The following LRP1B variants were observed in gnomAD, a reference collection of about 807,000 sequenced individuals.
LRP1B encodes the protein LDL receptor related protein 1B, also known as low-density lipoprotein receptor-related protein 1B.
LRP1B carries 217 observed loss-of-function variants against 556.6 expected under a neutral mutation model. That is an observed-to-expected ratio of 0.39 (90% confidence interval 0.35 to 0.44). The LOEUF (loss-of-function observed/expected upper bound fraction) is 0.44, where lower values mean the gene tolerates loss of function less well. LRP1B is among the 20% of genes least tolerant of loss of function. The pLI, the probability that LRP1B is intolerant of heterozygous loss-of-function variation, is 1.00. For synonymous variants in LRP1B, 2,047 were observed against 1,865.8 expected, an observed-to-expected ratio of 1.10 and a Z score of -2.50; for missense variants, 5,053 against 5,620.8, an observed-to-expected ratio of 0.90 and a Z score of 3.23.
chr2:141,659,033 A>G (rs1690115257), intron 2 of LRP1B, among the ~76,000 whole-genome samples: 1 of 152,132 alleles, frequency 6.6e-6, no homozygotes, highest in Non-Finnish European at 1.5e-5. Flanking sequence ...CATACTGAGT[A>G]GCTGGGACTA....
At chr2:142,062,959 A>G (rs188322652) in intron 1 of LRP1B, among the ~76,000 whole-genome samples, 2 of 151,308 alleles carry the variant, frequency 1.3e-5, no homozygotes, top group East Asian at 3.9e-4. Flanking sequence ...TATCTAAAAG[A>G]TGGAAGCATT....
At chr2:140,490,047 C>CA (rs1452358032) in intron 57 of LRP1B, among the ~76,000 whole-genome samples, 1 of 152,004 alleles carries the variant, frequency 6.6e-6, no homozygotes, top group Admixed American at 6.6e-5. Flanking sequence ...TTAAAACAGC[C>CA]AGGGGCATGG....
At chr2:140,893,541 T>C (rs1473191504) in intron 23 of LRP1B, among the ~76,000 whole-genome samples, 1 of 152,204 alleles carries the variant, frequency 6.6e-6, no homozygotes, top group African/African-American at 2.4e-5. Flanking sequence ...GCAAATCAAG[T>C]AACCTTTCTG....
chr2:140,342,719 A>G (rs1220053750), intron 77 of LRP1B, among the ~76,000 whole-genome samples: 1 of 151,612 alleles, frequency 6.6e-6, no homozygotes, highest in Admixed American at 6.6e-5. Flanking sequence ...TCCCTACTCA[A>G]TCACCAGAGA....
intron 11 of LRP1B, among the ~76,000 whole-genome samples, chr2:141,029,269 A>T (rs896892002): frequency 6.6e-6 from 1 of 152,112 alleles, no homozygotes; most frequent in African/African-American, 2.4e-5. Context: ...AGGTGATCAT[A>T]CCTAAAATTT....
In LRP1B at chr2:140,263,779, C is replaced by T. The variant is rs557281253; in HGVS notation, c.13247+6463G>A. ...ATAACGTTAACATCCATGTTTCTAC[C>T]AATAATCTCTTCAAAGTAATTGAGG... On this transcript the variant is annotated intron_variant, in intron 86 of 90. Transcript: ENST00000389484. Among the ~76,000 whole-genome samples, 3 of 147,162 alleles carry T rather than the reference C, an allele frequency of 2.0e-5. No homozygotes were observed. In the South Asian group the frequency reaches 6.5e-4, roughly 32 times the overall value.
intron 41 of LRP1B, among the ~76,000 whole-genome samples, chr2:140,638,747 A>G (rs565900): frequency 0.99 from 149,703 of 151,902 alleles, 73,801 homozygotes; most frequent in Middle Eastern, 1. Context: ...ATGTATTTGC[A>G]TATATAAGTA....
At chr2:140,323,237 ATAGCTG>A (rs1558800612) in intron 81 of LRP1B, among the ~76,000 whole-genome samples, 1 of 151,992 alleles carries the variant, frequency 6.6e-6, no homozygotes, top group African/African-American at 2.4e-5. Flanking sequence ...ACTGTTTTTG[ATAGCTG>A]TGTTAGAAAT....
chr2:141,337,366 A>T (rs1444880239), intron 3 of LRP1B, among the ~76,000 whole-genome samples: 2 of 152,214 alleles, frequency 1.3e-5, no homozygotes. Flanking sequence ...TGTGCAAGTC[A>T]TATCATAGCA....
At chr2:141,096,186 T>A (rs1700294819) in intron 7 of LRP1B, among the ~76,000 whole-genome samples, 1 of 152,136 alleles carries the variant, frequency 6.6e-6, no homozygotes, top group Non-Finnish European at 1.5e-5. Flanking sequence ...AGGATAAAGG[T>A]TATTAAACTT....
intron 11 of LRP1B, among the ~76,000 whole-genome samples, chr2:141,025,178 T>G (rs1429571744): frequency 1.3e-5 from 2 of 152,060 alleles, no homozygotes; most frequent in Non-Finnish European, 2.9e-5. Context: ...AATGTCTGCA[T>G]TCCAGGCTAT....
chr2:140,546,978 C>G (rs1287450603), intron 43 of LRP1B, among the ~76,000 whole-genome samples: 1 of 152,024 alleles, frequency 6.6e-6, no homozygotes, highest in African/African-American at 2.4e-5. Flanking sequence ...ATATGTTGAA[C>G]CAAGCTTGCA....
intron 2 of LRP1B, among the ~76,000 whole-genome samples, chr2:141,650,929 C>T (rs1440759766): frequency 6.6e-6 from 1 of 152,138 alleles, no homozygotes; most frequent in African/African-American, 2.4e-5. Context: ...TCCAACTACA[C>T]GGATGTCTAT....
Position 140,901,022 on chromosome 2 carries a change from C to T in LRP1B, c.3766+1898G>A, listed in dbSNP as rs144190884. On this transcript the variant is annotated intron_variant, in intron 23 of 90. Coordinates refer to ENST00000389484, the MANE Select transcript of LRP1B (RefSeq NM_018557.3). Reference sequence around the variant, plus strand: ...CATGTGGACTCCTCAGAAAGTCGTGCTTTTTTTAAAATAATTTTTAATTTT... The same window carrying T: ...CATGTGGACTCCTCAGAAAGTCGTGTTTTTTTTAAAATAATTTTTAATTTT... 2.6e-4 allele frequency among the ~76,000 whole-genome samples: 40 copies of T among 151,996 alleles called. No individual in the cohort carries two copies. In the East Asian group the frequency reaches 3.5e-3, roughly 13 times the overall value.
chr2:141,251,793 G>A (rs1684271293), intron 4 of LRP1B, among the ~76,000 whole-genome samples: 3 of 152,002 alleles, frequency 2.0e-5, no homozygotes, highest in South Asian at 4.1e-4. Flanking sequence ...GAAAATAAAG[G>A]CAGTGACTAC....
At chr2:141,876,833 G>T (rs1262695463) in intron 1 of LRP1B, among the ~76,000 whole-genome samples, 1 of 151,840 alleles carries the variant, frequency 6.6e-6, no homozygotes, top group Non-Finnish European at 1.5e-5. Context: ...AATTACAAAT[G>T]TCTATACCTG....
intron 7 of LRP1B, among the ~76,000 whole-genome samples, chr2:141,130,262 G>A (rs951020337): frequency 7.9e-5 from 12 of 151,912 alleles, no homozygotes; most frequent in African/African-American, 2.9e-4. Flanking sequence ...CACACTGACA[G>A]GGTAAATGTT....
chr2:140,496,264 A>T (rs1688931983), intron 55 of LRP1B, among the ~76,000 whole-genome samples: 1 of 152,092 alleles, frequency 6.6e-6, no homozygotes, highest in Admixed American at 6.6e-5. Context: ...AAGAATCACA[A>T]TTACTTTTGT....
In LRP1B at chr2:140,702,598, G is replaced by A. The variant is rs1360278631; in HGVS notation, c.6024-45C>T. On this transcript the variant is annotated intron_variant, in intron 37 of 90. Coordinates refer to ENST00000389484, the MANE Select transcript of LRP1B (RefSeq NM_018557.3). ...TTGTAGTGTTTATGTACATTTATTT[G>A]TAGTATGCAGAGCTATGCAAAAAGA... 1.9e-6 allele frequency: 3 copies of A among 1,581,224 alleles called. No homozygotes were observed. The East Asian group carries it at 6.7e-5, about 35-fold the overall frequency.
Sources: allele counts gnomAD v4.1 joint callset (sites outside exome capture counted in the v4.1 genomes callset), GRCh38; gene constraint gnomAD v4.1.1; transcripts MANE v1.5; gene names NCBI Gene and HGNC (gene_info 2026-07-23, HGNC 2026-07-21).